The following HDAC8 variants were observed in gnomAD, a reference collection of about 807,000 sequenced individuals.
The protein encoded by HDAC8 is histone deacetylase 8.
A neutral mutation model predicts 32.2 loss-of-function variants in HDAC8; 1 was observed. That is an observed-to-expected ratio of 0.03 (90% CI 0.01 to 0.15). The LOEUF is 0.15. Ranked by LOEUF, HDAC8 falls within the 10% of genes least tolerant of loss-of-function variation. The pLI is 1.00. For missense variants in HDAC8, 117 were observed against 300.0 expected, an observed-to-expected ratio of 0.39 and a Z score of 4.51; for synonymous variants, 108 against 113.9, an observed-to-expected ratio of 0.95 and a Z score of 0.33.
At chrX:72,354,207 G>C in intron 9 of HDAC8, among the ~76,000 whole-genome samples, 1 of 112,382 alleles carries the variant, frequency 8.9e-6, no homozygotes, top group Non-Finnish European at 1.9e-5. Context: ...TGCTGAAGCA[G>C]GCTGGCTGCT....
At chrX:72,407,721 C>G (rs782474171) in intron 9 of HDAC8, among the ~76,000 whole-genome samples, 3 of 111,968 alleles carry the variant, frequency 2.7e-5, no homozygotes, top group Non-Finnish European at 5.6e-5. Flanking sequence ...ATGTAGTCCG[C>G]TGACTGATTT....
chrX:72,543,619 A>G (rs2050775285), intron 4 of HDAC8, among the ~76,000 whole-genome samples: 1 of 112,306 alleles, frequency 8.9e-6, no homozygotes, highest in Non-Finnish European at 1.9e-5. Flanking sequence ...TCATAAAGGC[A>G]TACTACAGGT....
intron 4 of HDAC8, among the ~76,000 whole-genome samples, chrX:72,516,675 A>T (rs1435288166): frequency 8.9e-6 from 1 of 111,878 alleles, no homozygotes; most frequent in Non-Finnish European, 1.9e-5. Context: ...CACACATTAA[A>T]CACTTATGGT....
chrX:72,513,010 G>A (rs187004387), intron 4 of HDAC8, among the ~76,000 whole-genome samples: 3 of 111,703 alleles, frequency 2.7e-5, no homozygotes, highest in African/African-American at 6.5e-5. Flanking sequence ...CTTTGTACAT[G>A]CATAGTTTTG....
At chrX:72,393,279 G>C (rs782309129) in intron 9 of HDAC8, among the ~76,000 whole-genome samples, 38 of 111,692 alleles carry the variant, frequency 3.4e-4, no homozygotes, top group Non-Finnish European at 5.5e-4. Context: ...GAATTGTACA[G>C]TGAAGAAAGA....
intron 9 of HDAC8, among the ~76,000 whole-genome samples, chrX:72,361,643 T>C (rs73498317): frequency 0.09 from 9,860 of 109,262 alleles, 567 homozygotes; most frequent in African/African-American, 0.2. Context: ...TGCGTGTATA[T>C]GTTTGCATGT....
intron 10 of HDAC8, among the ~76,000 whole-genome samples, chrX:72,349,528 T>A (rs2044118237): frequency 8.9e-6 from 1 of 112,597 alleles, no homozygotes; most frequent in African/African-American, 3.2e-5. Context: ...TTGATTTCAT[T>A]GGGTTACAAT....
At chrX:72,354,748 A>G (rs782669170) in intron 9 of HDAC8, among the ~76,000 whole-genome samples, 19 of 111,699 alleles carry the variant, frequency 1.7e-4, no homozygotes, top group Admixed American at 3.8e-4. Context: ...TATAGTGGTG[A>G]ATTCTGAGAT....
intron 9 of HDAC8, among the ~76,000 whole-genome samples, chrX:72,374,529 G>T (rs1049456562): frequency 9.0e-6 from 1 of 110,982 alleles, no homozygotes; most frequent in Non-Finnish European, 1.9e-5. Context: ...AAAATTAGCT[G>T]GGTGCGGTAG....
intron 9 of HDAC8, among the ~76,000 whole-genome samples, chrX:72,437,665 T>C (rs914880140): frequency 1.1e-4 from 12 of 111,776 alleles, no homozygotes; most frequent in African/African-American, 3.9e-4. Context: ...GTGAGGGGTG[T>C]CCACCATTAC....
chrX:72,446,093 T>G (rs2047382304), intron 9 of HDAC8, among the ~76,000 whole-genome samples: 1 of 112,164 alleles, frequency 8.9e-6, no homozygotes, highest in Non-Finnish European at 1.9e-5. Context: ...GGTGGGACTG[T>G]AAACTAGTTC....
At chrX:72,510,690 A>G (rs1423542345) in intron 4 of HDAC8, among the ~76,000 whole-genome samples, 1 of 111,538 alleles carries the variant, frequency 9.0e-6, no homozygotes, top group Non-Finnish European at 1.9e-5. Flanking sequence ...AGATTAATTC[A>G]GCTAGGGAAT....
intron 9 of HDAC8, among the ~76,000 whole-genome samples, chrX:72,461,040 TTTAAG>T (rs782121743): frequency 1.5e-4 from 17 of 112,233 alleles, no homozygotes; most frequent in Non-Finnish European, 2.4e-4. Context: ...AGGAAATTAG[TTTAAG>T]TTGTTTCTAA....
At chrX:72,386,621 T>A (rs2045436620) in intron 9 of HDAC8, among the ~76,000 whole-genome samples, 1 of 111,585 alleles carries the variant, frequency 9.0e-6, no homozygotes, top group Admixed American at 9.5e-5. Flanking sequence ...TTCATGTGGA[T>A]CAATTCATTA....
At chrX:72,453,182 C>T (rs2047618961) in intron 9 of HDAC8, among the ~76,000 whole-genome samples, 1 of 107,035 alleles carries the variant, frequency 9.3e-6, no homozygotes, top group Admixed American at 1.0e-4. Context: ...CATGGTGGCT[C>T]ATGCCCATAA....
chrX:72,524,402 TACCCATGGCAG>T lies in HDAC8; in HGVS notation c.438-29145_438-29135del, dbSNP rs1407509786. Among the ~76,000 whole-genome samples the T allele has an allele frequency of 2.7e-5, 3 of 111,895 alleles. No homozygotes were observed. The Admixed American group carries it at 2.8e-4, about 11-fold the overall frequency. On this transcript the variant is annotated intron_variant, in intron 4 of 10. Transcript: ENST00000373573. Reference sequence around the variant, plus strand: ...TGCATGCTGCCATTCTTCACTCTTATACCCATGGCAGACATTGCTAATTGATCACAGCGCTC... The same window carrying T: ...TGCATGCTGCCATTCTTCACTCTTATACATTGCTAATTGATCACAGCGCTC...
intron 7 of HDAC8, 152 bp from the exon 8 acceptor site, chrX:72,464,883 G>C: frequency 2.3e-6 from 1 of 435,738 alleles, no homozygotes. Flanking sequence ...ACTTAAGAGA[G>C]GTGAATCAGA....
intron 5 of HDAC8, among the ~76,000 whole-genome samples, chrX:72,491,222 G>T (rs1031322970): frequency 1.8e-5 from 2 of 111,634 alleles, no homozygotes; most frequent in Non-Finnish European, 3.8e-5. Context: ...AAGTTTGGGG[G>T]TTCCTTTTCA....
chrX:72,427,912 A>G (rs1010952863), intron 9 of HDAC8, among the ~76,000 whole-genome samples: 9 of 111,738 alleles, frequency 8.1e-5, no homozygotes, highest in Non-Finnish European at 1.7e-4. Flanking sequence ...TGAGGTTTGT[A>G]ATATCTTTCA....
Sources: gnomAD v4.1 joint callset for allele counts (sites outside exome capture counted in the v4.1 genomes callset) on GRCh38, gnomAD v4.1.1 for gene constraint, MANE v1.5 for transcripts, NCBI Gene and HGNC (gene_info 2026-07-23, HGNC 2026-07-21) for gene names.